SLC9B2: variants seen among roughly 807,000 people sequenced by gnomAD.
The protein encoded by SLC9B2 is sodium/hydrogen exchanger 9B2.
A neutral mutation model predicts 52.2 loss-of-function variants in SLC9B2; 39 were observed. That is an observed-to-expected ratio of 0.75 (90% CI 0.58 to 0.98). The LOEUF (loss-of-function observed/expected upper bound fraction) is 0.98, where lower values mean the gene tolerates loss of function less well. Among genes scored for constraint, SLC9B2 ranks in the 50% least tolerant of loss-of-function variants. The probability of loss-of-function intolerance (pLI) is 0.00; values close to 1 mark genes in which losing one functional copy is unlikely to be tolerated. For missense variants in SLC9B2, 626 were observed against 637.5 expected (o/e 0.98, Z 0.19); for synonymous variants, 214 against 227.0 (o/e 0.94, Z 0.51).
chr4:103,074,194 C>G (rs1386569915), intron 1 of SLC9B2, among the ~76,000 whole-genome samples: 2 of 152,104 alleles, frequency 1.3e-5, no homozygotes, highest in African/African-American at 4.8e-5. Flanking sequence ...CATCATTCAC[C>G]CATGAAGAAA....
At chr4:103,030,493 G>A (rs1742601451) in intron 10 of SLC9B2, among the ~76,000 whole-genome samples, 2 of 151,990 alleles carry the variant, frequency 1.3e-5, no homozygotes, top group Non-Finnish European at 2.9e-5. Context: ...GAGGTTGGCA[G>A]GTTGTGTGAT....
At chr4:103,027,946 A>G (rs1742370071) in intron 11 of SLC9B2, among the ~76,000 whole-genome samples, 1 of 152,202 alleles carries the variant, frequency 6.6e-6, no homozygotes, top group South Asian at 2.1e-4. Flanking sequence ...AGAAATTGGA[A>G]TATTTAATTA....
intron 3 of SLC9B2, among the ~76,000 whole-genome samples, chr4:103,064,322 G>T (rs908755020): frequency 1.3e-5 from 2 of 152,192 alleles, no homozygotes; most frequent in African/African-American, 2.4e-5. Flanking sequence ...CCATAAAAAA[G>T]AATGAAATCC....
chr4:103,065,564 A>G (rs1746048439), intron 3 of SLC9B2: 1 of 152,196 alleles, frequency 6.6e-6, no homozygotes, highest in South Asian at 2.1e-4. Context: ...TCTTAAAAAA[A>G]CCTAATTTGC....
intron 1 of SLC9B2, among the ~76,000 whole-genome samples, chr4:103,073,435 T>C (rs185714163): frequency 6.6e-6 from 1 of 152,330 alleles, no homozygotes; most frequent in East Asian, 1.9e-4. Context: ...TAATGGTCAT[T>C]TCCCAAAAGG....
rs115630927 is a variant in SLC9B2 at position 103,048,959 on chromosome 4, G to A, written c.647C>T (p.Ala216Val). The change falls in exon 6 of 12, where the codon GCG (alanine) becomes GTG (valine). Residue 216 changes from alanine to valine, a missense_variant. Transcript: ENST00000394785. ...RLSMGPCIVE[A>V]CTSALLAHYL... ...ATGGGCAAGAAGAGCAGATGTGCACGCCTCCACAATACAGGGACCCATGGA... is the reference window on the plus strand; with the variant it reads ...ATGGGCAAGAAGAGCAGATGTGCACACCTCCACAATACAGGGACCCATGGA... 147 of 1,613,880 alleles carry A rather than the reference G, an allele frequency of 9.1e-5. No individual in the cohort carries two copies. The East Asian group carries it at 2.3e-3, about 26-fold the overall frequency.
chr4:103,040,142 T>C (rs1430604832), intron 9 of SLC9B2, among the ~76,000 whole-genome samples: 1 of 152,180 alleles, frequency 6.6e-6, no homozygotes, highest in Non-Finnish European at 1.5e-5. Context: ...ATTAAAACTA[T>C]TATAGGAGAC....
chr4:103,021,662 AAC>A (rs984929768), downstream of SLC9B2, among the ~76,000 whole-genome samples: 4 of 152,250 alleles, frequency 2.6e-5, no homozygotes, highest in African/African-American at 9.6e-5. Context: ...AAAAAGTTTT[AAC>A]ACTTTCTACA....
intron 3 of SLC9B2, among the ~76,000 whole-genome samples, chr4:103,063,542 T>C (rs1213660202): frequency 6.6e-6 from 1 of 152,198 alleles, no homozygotes; most frequent in African/African-American, 2.4e-5. Flanking sequence ...GAAATTGCCT[T>C]TAAATTTTCT....
downstream of SLC9B2, among the ~76,000 whole-genome samples, chr4:103,021,345 T>TA (rs1741778583): frequency 6.6e-6 from 1 of 152,134 alleles, no homozygotes; most frequent in African/African-American, 2.4e-5. Flanking sequence ...AATATAATAT[T>TA]ACGTACTCCC....
rs781469355 is a variant in SLC9B2 at position 103,057,860 on chromosome 4, C to T, written c.383G>A (p.Gly128Asp). Residue 128 changes from glycine (G) to aspartate (D), a missense_variant, in exon 4 of 12, where the codon GGT (glycine) becomes GAT (aspartate). Transcript: ENST00000394785. ...IIILFYCAII[G>D]GKLLGLIKLP... ...CTTAATAAGCCCCAAAAGTTTACCACCAATGATGGCACAATAGAATAGGAT... is the reference window on the plus strand; with the variant it reads ...CTTAATAAGCCCCAAAAGTTTACCATCAATGATGGCACAATAGAATAGGAT... 13 of 1,613,742 alleles carry T rather than the reference C, an allele frequency of 8.1e-6. No homozygotes were observed. The South Asian group carries it at 1.2e-4, about 15-fold the overall frequency.
At chr4:103,020,380 T>G, downstream of SLC9B2, 1 of 438,590 alleles carries the variant, frequency 2.3e-6, no homozygotes, top group Non-Finnish European at 4.5e-6. Flanking sequence ...AGTAATAGAA[T>G]CCGCGCTTCC....
chr4:103,062,465 ATC>A (rs1745748476), intron 3 of SLC9B2, among the ~76,000 whole-genome samples: 1 of 152,176 alleles, frequency 6.6e-6, no homozygotes, highest in Non-Finnish European at 1.5e-5. Context: ...TATTAAAAAA[ATC>A]TCTCTTTCCC....
At chr4:103,028,385 T>C (rs1028981326) in intron 11 of SLC9B2, among the ~76,000 whole-genome samples, 8 of 152,152 alleles carry the variant, frequency 5.3e-5, no homozygotes, top group Non-Finnish European at 8.8e-5. Flanking sequence ...GTTATTTCTA[T>C]TTTACTCTCT....
Position 103,050,272 on chromosome 4 carries a change from G to A in SLC9B2, c.553C>T (p.Leu185=). 2 of 1,604,914 alleles carry A rather than the reference G, an allele frequency of 1.2e-6. No individual in the cohort carries two copies. The highest frequency in any genetic ancestry group is 1.7e-6 in the Non-Finnish European group (2 of 1,176,582). The part of the protein sequence containing the change: ...SLRSIALSII[L]VRAGLGLDSK... ...TCCAGACCAAGGCCAGCACGAACCA[G>A]AATGATAGACAGGGCTATGCTTCTC... Residue 185 remains leucine, a synonymous_variant, in exon 5 of 12, where the codon CTG becomes TTG. Transcript: ENST00000394785.
intron 9 of SLC9B2, chr4:103,041,902 A>C (rs1267158926): frequency 6.6e-6 from 1 of 152,170 alleles, no homozygotes; most frequent in Non-Finnish European, 1.5e-5. Context: ...TAGAAATCAT[A>C]ATACTTTTCA....
rs756268735 is a variant in SLC9B2 at position 103,024,107 on chromosome 4, G to A, written c.*2263C>T. 6.6e-6 allele frequency among the ~76,000 whole-genome samples: 1 copy of A among 152,102 alleles called. No homozygotes were observed. Among genetic ancestry groups the A allele is most frequent in the Non-Finnish European group, 1.5e-5 (1 of 68,012 alleles). On this transcript the variant is annotated 3_prime_UTR_variant, in exon 12 of 12. Transcript: ENST00000394785. ...GCTCCCTAGCAGCCCTGTAGTTCCT[G>A]CATAATAGCACTTATCATATTGTTT...
At chr4:103,059,900 T>C (rs1027256713) in intron 3 of SLC9B2, among the ~76,000 whole-genome samples, 1 of 152,168 alleles carries the variant, frequency 6.6e-6, no homozygotes, top group Non-Finnish European at 1.5e-5. Flanking sequence ...GGATAGTTTT[T>C]CTAGGTATAC....
chr4:103,020,346 T>C (rs1416954712), downstream of SLC9B2: 5 of 451,726 alleles, frequency 1.1e-5, no homozygotes, highest in Non-Finnish European at 2.2e-5. Flanking sequence ...CCAGAAGCTT[T>C]GGCCTTTCAG....
Sources: allele counts gnomAD v4.1 joint callset (sites outside exome capture counted in the v4.1 genomes callset), GRCh38; gene constraint gnomAD v4.1.1; transcripts MANE v1.5; gene names NCBI Gene and HGNC (gene_info 2026-07-23, HGNC 2026-07-21).